The following CAPN2 variants were observed in gnomAD, a reference collection of about 807,000 sequenced individuals.
CAPN2 encodes calpain-2 catalytic subunit.
CAPN2 carries 92 observed loss-of-function variants against 102.3 expected under a neutral mutation model. That is an observed-to-expected ratio of 0.90 (90% CI 0.76 to 1.07). The LOEUF is 1.07. CAPN2 is among the 50% of genes least tolerant of loss of function. The probability of loss-of-function intolerance (pLI) is 0.00; values close to 1 mark genes in which losing one functional copy is unlikely to be tolerated. For missense variants in CAPN2, 800 were observed against 909.4 expected, an observed-to-expected ratio of 0.88 and a Z score of 1.55; for synonymous variants, 340 against 355.4, an observed-to-expected ratio of 0.96 and a Z score of 0.49.
At chr1:223,767,114 T>C (rs1661355722) in intron 16 of CAPN2, among the ~76,000 whole-genome samples, 1 of 152,168 alleles carries the variant, frequency 6.6e-6, no homozygotes, top group Non-Finnish European at 1.5e-5. Context: ...AGGAAAATAT[T>C]CCCTAACCAC....
At chr1:223,702,510 G>A (rs1429481859) in intron 1 of CAPN2, among the ~76,000 whole-genome samples, 1 of 152,134 alleles carries the variant, frequency 6.6e-6, no homozygotes. Flanking sequence ...TACATTATAT[G>A]GAGAATTATT....
At chr1:223,734,046 C>G (rs1273247637) in intron 2 of CAPN2, among the ~76,000 whole-genome samples, 2 of 152,152 alleles carry the variant, frequency 1.3e-5, no homozygotes, top group Non-Finnish European at 2.9e-5. Flanking sequence ...GGCCGTCTTT[C>G]CTTCTGTTAT....
chr1:223,715,487 G>A lies in CAPN2; in HGVS notation c.238-2275G>A, dbSNP rs1321391605. Among the ~76,000 whole-genome samples, 3 of 152,020 alleles carry A rather than the reference G, an allele frequency of 2.0e-5. No individual in the cohort carries two copies. In the East Asian group the frequency reaches 5.8e-4, roughly 29 times the overall value. Reference sequence around the variant, plus strand: ...AGGATCCCTGAGGAAGTGAGAATACGGGTTGTGGGCAGGGGAGGGGAGCAG... The same window carrying A: ...AGGATCCCTGAGGAAGTGAGAATACAGGTTGTGGGCAGGGGAGGGGAGCAG... On this transcript the variant is annotated intron_variant, in intron 1 of 20. Coordinates refer to ENST00000295006, the MANE Select transcript of CAPN2 (RefSeq NM_001748.5).
chr1:223,711,191 G>T (rs2102769535), upstream of CAPN2, among the ~76,000 whole-genome samples: 1 of 152,230 alleles, frequency 6.6e-6, no homozygotes, highest in Non-Finnish European at 1.5e-5. Context: ...GGGTGGGTAG[G>T]GGACAAAACT....
intron 2 of CAPN2, among the ~76,000 whole-genome samples, chr1:223,720,406 C>G (rs1177309904): frequency 6.8e-6 from 1 of 146,084 alleles, no homozygotes; most frequent in Non-Finnish European, 1.5e-5. Context: ...GCCTTGGCCT[C>G]CTGGGCTCGA....
chr1:223,749,431 A>G (rs1660832171), intron 6 of CAPN2: 1 of 488,850 alleles, frequency 2.0e-6, no homozygotes. Flanking sequence ...TAATAAAACA[A>G]TGCATCTTCA....
intron 16 of CAPN2, among the ~76,000 whole-genome samples, chr1:223,768,356 T>C (rs1166327174): frequency 1.3e-5 from 2 of 150,760 alleles, no homozygotes; most frequent in African/African-American, 2.4e-5. Context: ...CCATCTTGAA[T>C]TGATTTTTGT....
rs998040330 is a variant in CAPN2, at chr1:223,726,561, C to T, written c.307+8730C>T. Among the ~76,000 whole-genome samples, 5 of 152,152 alleles carry T rather than the reference C, an allele frequency of 3.3e-5. No homozygotes were observed. The highest frequency in any genetic ancestry group is 4.8e-5 in the African/African-American group (2 of 41,438). ...AGTGAATGTCAAGCCCCAGCACCCT[C>T]GCCTCCCTCCCATCCTCCCTTTTAG... On this transcript the variant is annotated intron_variant, in intron 2 of 20. Coordinates refer to ENST00000295006, the MANE Select transcript of CAPN2 (RefSeq NM_001748.5). This position sits in a 1 kb window ranked among gnomAD's most constrained non-coding sequence, Gnocchi z 4.4.
At chr1:223,710,718 CCT>C (rs1659708412), upstream of CAPN2, among the ~76,000 whole-genome samples, 1 of 152,174 alleles carries the variant, frequency 6.6e-6, no homozygotes, top group Admixed American at 6.5e-5. Context: ...CCCAAACATT[CCT>C]TTCTATTGAT....
Position 223,756,946 on chromosome 1 carries a change from G to A in CAPN2, c.1306-423G>A, listed in dbSNP as rs778633724. On this transcript the variant is annotated intron_variant, in intron 10 of 20. Coordinates refer to ENST00000295006, the MANE Select transcript of CAPN2 (RefSeq NM_001748.5). The surrounding 1 kb of genome is among the most constrained non-coding windows in gnomAD (Gnocchi z 4.1). ...AGAAAACTGAGGCCAGAGAGGAGAG[G>A]GGACTTGCTCAAGGAAATGCAGACC... Among the ~76,000 whole-genome samples, 3 of 152,164 alleles carry A rather than the reference G, an allele frequency of 2.0e-5. No homozygotes were observed. Among genetic ancestry groups the A allele is most frequent in the Non-Finnish European group, 4.4e-5 (3 of 68,028 alleles).
At chr1:223,723,424 T>C (rs1660106240) in intron 2 of CAPN2, among the ~76,000 whole-genome samples, 1 of 152,164 alleles carries the variant, frequency 6.6e-6, no homozygotes, top group Admixed American at 6.5e-5. Context: ...TCCATTCTTT[T>C]TCTTAAAAAT....
intron 14 of CAPN2, 98 bp downstream of exon 14, chr1:223,762,349 A>G: frequency 1.1e-6 from 1 of 937,280 alleles, no homozygotes. Context: ...GGGAGAGGAA[A>G]CAAACTGAAC....
rs1382515776 is a variant in CAPN2 at position 223,741,435 on chromosome 1, A to ATATATAT, written c.308-2665_308-2664insTATATAT. 1.8e-3 allele frequency among the ~76,000 whole-genome samples: 71 copies of ATATATAT among 40,550 alleles called. 3 individuals carry two copies. Among genetic ancestry groups the ATATATAT allele is most frequent in the Middle Eastern group, 0.011 (1 of 94 alleles). 26.6% of individuals were successfully genotyped at this position (40,550 alleles called of 152,430 possible). A position where few individuals can be genotyped will look rare whatever the true frequency, so the allele number is the denominator to read the frequency against. ...GGCTGTAAAATGTATATATATATATAATGTGTATATATATATATATATATA... is the reference window on the plus strand; with the variant it reads ...GGCTGTAAAATGTATATATATATATATATATATATGTGTATATATATATATATATATA... On this transcript the variant is annotated intron_variant, in intron 2 of 20. Transcript: ENST00000295006.
At chr1:223,765,053 G>A (rs1661277115) in intron 15 of CAPN2, among the ~76,000 whole-genome samples, 1 of 152,212 alleles carries the variant, frequency 6.6e-6, no homozygotes, top group South Asian at 2.1e-4. Context: ...GAGAGCAACT[G>A]GCAATCCAGG....
rs773696661 is a variant in CAPN2, at chr1:223,749,040, T to C, written c.731T>C (p.Ile244Thr). The stretch of plus-strand genomic sequence containing the variant: ...GTCTGACGGTTGCTGTGTTTGCAGA[T>C]CACCAGCGCCGCGGACTCGGAGGCC... ...KGSLLGCSID[I>T]TSAADSEAIT... is the part of the protein sequence containing the mutation. Residue 244 changes from isoleucine (I) to threonine (T), a missense_variant and splice_region_variant, in exon 6 of 21, where the codon ATC becomes ACC. Physicochemically the swap from Ile to Thr is moderately conservative, Grantham distance 89 (BLOSUM62 -1). Transcript: ENST00000295006. 1 of 1,613,856 alleles carries C rather than the reference T, an allele frequency of 6.2e-7. No individual in the cohort carries two copies. The highest frequency in any genetic ancestry group is 8.5e-7 in the Non-Finnish European group (1 of 1,179,768).
intron 14 of CAPN2, 129 bp downstream of exon 14, chr1:223,762,380 A>C (rs1369017215): frequency 1.4e-6 from 1 of 737,886 alleles, no homozygotes; most frequent in African/African-American, 1.7e-5. Flanking sequence ...AGAAATTGCA[A>C]ATGGCACTTG....
intron 2 of CAPN2, among the ~76,000 whole-genome samples, chr1:223,736,067 G>A (rs1000641214): frequency 4.6e-5 from 7 of 152,136 alleles, no homozygotes; most frequent in East Asian, 1.9e-4. Flanking sequence ...GTGAGCCACC[G>A]CACCCAGCCT....
At chr1:223,765,339 A>G (rs550998273) in intron 15 of CAPN2, among the ~76,000 whole-genome samples, 34 of 152,324 alleles carry the variant, frequency 2.2e-4, no homozygotes, top group Middle Eastern at 3.4e-3. Flanking sequence ...AGTCCAGTGC[A>G]GGGCCTCCCC....
chr1:223,769,980 C>T, intron 17 of CAPN2, 71 bp downstream of exon 17: 1 of 1,166,340 alleles, frequency 8.6e-7, no homozygotes. Flanking sequence ...GATGCAGCAA[C>T]TCCTGCACAG....
Sources: allele counts gnomAD v4.1 joint callset (sites outside exome capture counted in the v4.1 genomes callset), GRCh38; gene constraint gnomAD v4.1.1; non-coding constraint Gnocchi (gnomAD v3.1); transcripts MANE v1.5; gene names NCBI Gene and HGNC (gene_info 2026-07-23, HGNC 2026-07-21).